The following AKAP13 variants were observed in gnomAD, a reference collection of about 807,000 sequenced individuals.
The protein encoded by AKAP13 is A-kinase anchoring protein 13.
Under a neutral mutation model 264.5 loss-of-function variants are expected in AKAP13, and 80 were observed. The ratio of observed to expected loss-of-function variants is 0.30; its 90% CI spans 0.25 to 0.36. The LOEUF is 0.36. Among genes scored for constraint, AKAP13 ranks in the 10% least tolerant of loss-of-function variants. The probability of loss-of-function intolerance (pLI) is 1.00; values close to 1 mark genes in which losing one functional copy is unlikely to be tolerated. For synonymous variants in AKAP13, 1,380 were observed against 1,250.2 expected, an observed-to-expected ratio of 1.10 and a Z score of -2.19; for missense variants, 3,712 against 3,435.2, an observed-to-expected ratio of 1.08 and a Z score of -2.01.
intron 33 of AKAP13, among the ~76,000 whole-genome samples, chr15:85,737,429 TTAGAG>T (rs1174722445): frequency 6.6e-6 from 1 of 152,194 alleles, no homozygotes; most frequent in African/African-American, 2.4e-5. Context: ...TAATTGCTTT[TTAGAG>T]TATAGTTCTC....
chr15:85,540,893 T>A (rs1007083348), intron 4 of AKAP13, among the ~76,000 whole-genome samples: 1 of 152,230 alleles, frequency 6.6e-6, no homozygotes, highest in Non-Finnish European at 1.5e-5. Context: ...CATGCAGCAA[T>A]GTAGATGAAT....
chr15:85,647,139 A>G (rs548112634), intron 10 of AKAP13, among the ~76,000 whole-genome samples: 233 of 152,206 alleles, frequency 1.5e-3, no homozygotes, highest in Non-Finnish European at 2.9e-3. Flanking sequence ...TGGCTCATGC[A>G]TGTAATCCCA....
chr15:85,406,040 CAG>C (rs1370391631), intron 1 of AKAP13, among the ~76,000 whole-genome samples: 1 of 152,144 alleles, frequency 6.6e-6, no homozygotes, highest in East Asian at 1.9e-4. Context: ...TTTGTAGAGA[CAG>C]GGTCTCACTA....
chr15:85,607,723 T>G (rs1248084623), intron 8 of AKAP13, among the ~76,000 whole-genome samples: 2 of 152,226 alleles, frequency 1.3e-5, no homozygotes, highest in Non-Finnish European at 2.9e-5. Flanking sequence ...GTGATAACCC[T>G]TCCAAAGCAA....
chr15:85,733,894 T>TTTTTA (rs2088237943), intron 30 of AKAP13, among the ~76,000 whole-genome samples: 1 of 133,042 alleles, frequency 7.5e-6, no homozygotes, highest in Non-Finnish European at 1.6e-5. Flanking sequence ...TTTTTTTTTT[T>TTTTTA]GAGACAGAGT....
intron 10 of AKAP13, among the ~76,000 whole-genome samples, chr15:85,648,905 G>A (rs1227569240): frequency 6.6e-6 from 1 of 152,192 alleles, no homozygotes; most frequent in Non-Finnish European, 1.5e-5. Flanking sequence ...AGAAATGGTA[G>A]CTTCACTTTC....
intron 1 of AKAP13, among the ~76,000 whole-genome samples, chr15:85,484,465 A>T (rs551827107): frequency 6.6e-6 from 1 of 152,356 alleles, no homozygotes; most frequent in South Asian, 2.1e-4. Context: ...ATGAATGGGC[A>T]TGGGCATGGA....
Position 85,718,133 on chromosome 15 carries a change from T to G in AKAP13, c.5975T>G (p.Val1992Gly). 6.2e-7 allele frequency: 1 copy of G among 1,614,170 alleles called. No homozygotes were observed. Among genetic ancestry groups the G allele is most frequent in the Non-Finnish European group, 8.5e-7 (1 of 1,180,010 alleles). Reference protein sequence around the residue: ...SKFLKQQKKDVVKRQEVIYEL... With the variant: ...SKFLKQQKKDGVKRQEVIYEL... ...TTTCTAAAACAGCAAAAGAAAGATG[T>G]GGTCAAACGGCAAGAAGTAATATAT... The change falls in exon 22 of 37, where the codon GTG becomes GGG. Residue 1992 changes from valine (V) to glycine (G), a missense_variant. Physicochemically the swap from Val to Gly is moderately radical, Grantham distance 109. Around this residue, in one of 3 missense-constraint regions of AKAP13, gnomAD observed 342 missense variants for 484.3 expected, o/e 0.71. Coordinates refer to ENST00000394518, the MANE Select transcript of AKAP13 (RefSeq NM_007200.5). The surrounding 1 kb of genome is among the most constrained non-coding windows in gnomAD (Gnocchi z 4.9).
rs760938984 is a variant in AKAP13 at position 85,741,234 on chromosome 15, C to G, written c.7797C>G (p.Arg2599=). Residue 2599 remains arginine, a synonymous_variant, in exon 35 of 37, where the codon CGC becomes CGG. Transcript: ENST00000394518. ...AGGCCCAGTACCTCGAGGAGAAGCG[C>G]AGGCGCGAGCGTGAGTGGGAAGCTC... ...KQQAQYLEEK[R]RREREWEARE... 2.5e-6 allele frequency: 4 copies of G among 1,609,102 alleles called. No individual in the cohort carries two copies. In the South Asian group the frequency reaches 4.4e-5, roughly 18 times the overall value.
At position 85,655,725 on chromosome 15, in the gene AKAP13, C is replaced by A. The variant is rs757243738; in HGVS notation, c.4683C>A (p.Phe1561Leu). Reference sequence around the variant, plus strand: ...GCTCCATGCGCTCTCTTTCTCCCTTCCGGAGGCACAGCTGGGGGCCTGGGA... The same window carrying A: ...GCTCCATGCGCTCTCTTTCTCCCTTACGGAGGCACAGCTGGGGGCCTGGGA... ...LRSSMRSLSP[F>L]RRHSWGPGKN... is the part of the protein sequence containing the mutation. The change falls in exon 11 of 37, where the codon TTC (phenylalanine) becomes TTA (leucine). Residue 1561 changes from phenylalanine (F) to leucine (L), a missense_variant. By Grantham distance (22) the Phe-to-Leu change is conservative (BLOSUM62 0). This residue lies in a region of AKAP13 where 2,759 missense variants were observed against 2,411.7 expected (regional missense o/e 1.14). Transcript: ENST00000394518. The A allele has an allele frequency of 1.2e-6, 2 of 1,613,804 alleles. No individual in the cohort carries two copies. Among genetic ancestry groups the A allele is most frequent in the Non-Finnish European group, 1.7e-6 (2 of 1,179,712 alleles).
chr15:85,543,288 AG>A (rs1354663271), intron 4 of AKAP13, among the ~76,000 whole-genome samples: 2 of 152,230 alleles, frequency 1.3e-5, no homozygotes, highest in Non-Finnish European at 2.9e-5. Flanking sequence ...GTGTTTAACT[AG>A]CCAACTCCTG....
chr15:85,715,375 C>T (rs1394445038), intron 19 of AKAP13, among the ~76,000 whole-genome samples: 1 of 152,134 alleles, frequency 6.6e-6, no homozygotes, highest in East Asian at 1.9e-4. Context: ...AATGGTGTTG[C>T]ATTGAATAAC....
chr15:85,434,051 C>A (rs1003208391), intron 1 of AKAP13, among the ~76,000 whole-genome samples: 11 of 151,436 alleles, frequency 7.3e-5, no homozygotes, highest in African/African-American at 2.7e-4. Context: ...TTCTGCATTT[C>A]CATCTGAGGT....
rs890590695 is a variant in AKAP13 at position 85,580,240 on chromosome 15, T to C, written c.2172T>C (p.Asp724=). Residue 724 remains aspartate (D), a synonymous_variant, in exon 7 of 37, where the codon GAT becomes GAC. Coordinates refer to ENST00000394518, the MANE Select transcript of AKAP13 (RefSeq NM_007200.5). ...CAGTCACCTCTGACCCTGTAAGGGATACCCAGGAACGTGCGGATTTTTGTC... is the reference window on the plus strand; with the variant it reads ...CAGTCACCTCTGACCCTGTAAGGGACACCCAGGAACGTGCGGATTTTTGTC... ...AHTVTSDPVR[D]TQERADFCPF... The C allele has an allele frequency of 8.7e-6, 14 of 1,614,230 alleles. No individual in the cohort carries two copies. Among genetic ancestry groups the C allele is most frequent in the Non-Finnish European group, 1.2e-5 (14 of 1,180,044 alleles).
chr15:85,522,288 C>G (rs565721918), intron 3 of AKAP13, among the ~76,000 whole-genome samples: 2 of 152,120 alleles, frequency 1.3e-5, no homozygotes, highest in South Asian at 4.2e-4. Flanking sequence ...GGTTAAAGTT[C>G]GAGGGCTGTG....
chr15:85,565,135 A>T (rs1333900374), intron 5 of AKAP13, among the ~76,000 whole-genome samples: 2 of 152,184 alleles, frequency 1.3e-5, no homozygotes. Flanking sequence ...AGACTTTAAC[A>T]CTGTCTGATG....
At chr15:85,433,793 T>C (rs1000866470) in intron 1 of AKAP13, among the ~76,000 whole-genome samples, 1 of 150,396 alleles carries the variant, frequency 6.6e-6, no homozygotes. Context: ...ATATAAAAAT[T>C]AGTTGGGCAT....
At chr15:85,453,579 G>T (rs930473610) in intron 1 of AKAP13, among the ~76,000 whole-genome samples, 1 of 152,206 alleles carries the variant, frequency 6.6e-6, no homozygotes, top group African/African-American at 2.4e-5. Flanking sequence ...CAGTTGGGAG[G>T]TCCCCCAGTG....
At chr15:85,440,926 C>T (rs1382825256) in intron 1 of AKAP13, among the ~76,000 whole-genome samples, 2 of 152,124 alleles carry the variant, frequency 1.3e-5, no homozygotes. Context: ...ACTGTAGGGA[C>T]TGATATAGCA....
Sources: allele counts gnomAD v4.1 joint callset (sites outside exome capture counted in the v4.1 genomes callset), GRCh38; gene constraint gnomAD v4.1.1; regional missense constraint gnomAD v4.1.1; non-coding constraint Gnocchi (gnomAD v3.1); transcripts MANE v1.5; gene names NCBI Gene and HGNC (gene_info 2026-07-23, HGNC 2026-07-21).